Variants in SAMD3 observed in about 807,000 individuals in gnomAD.
SAMD3 encodes sterile alpha motif domain containing 3, also known as sterile alpha motif domain-containing protein 3.
A neutral mutation model predicts 58.5 loss-of-function variants in SAMD3; 63 were observed. That is an observed-to-expected ratio of 1.08 (90% confidence interval 0.88 to 1.33). The LOEUF (loss-of-function observed/expected upper bound fraction) is 1.33, where lower values mean the gene tolerates loss of function less well. Among genes scored for constraint, SAMD3 ranks in the 40% most tolerant of loss-of-function variants. The pLI, the probability that SAMD3 is intolerant of heterozygous loss-of-function variation, is 0.00. For synonymous variants in SAMD3, 220 were observed against 210.3 expected, an observed-to-expected ratio of 1.05 and a Z score of -0.40; for missense variants, 604 against 608.4, an observed-to-expected ratio of 0.99 and a Z score of 0.08.
intron 1 of SAMD3, among the ~76,000 whole-genome samples, chr6:130,358,384 T>C (rs1436448740): frequency 1.3e-5 from 2 of 152,176 alleles, no homozygotes; most frequent in Admixed American, 6.5e-5. Flanking sequence ...TCTTGCATCT[T>C]AGCTGATCAA....
chr6:130,170,647 GAAGAGGT>G (rs1258353586), intron 8 of SAMD3, among the ~76,000 whole-genome samples: 1 of 152,124 alleles, frequency 6.6e-6, no homozygotes, highest in African/African-American at 2.4e-5. Flanking sequence ...AGTTCTCCTT[GAAGAGGT>G]CCTTCATGTC....
intron 1 of SAMD3, among the ~76,000 whole-genome samples, chr6:130,337,718 G>A (rs1777146176): frequency 6.6e-6 from 1 of 152,194 alleles, no homozygotes; most frequent in South Asian, 2.1e-4. Flanking sequence ...AACTTACTGG[G>A]AACTGGAGCA....
chr6:130,168,220 G>A (rs142617163), intron 8 of SAMD3, among the ~76,000 whole-genome samples: 222 of 152,230 alleles, frequency 1.5e-3, no homozygotes, highest in African/African-American at 5.2e-3. Flanking sequence ...GATCACCTGA[G>A]GTCAGGAGTT....
intron 2 of SAMD3, among the ~76,000 whole-genome samples, chr6:130,230,260 G>A (rs976993404): frequency 1.3e-5 from 2 of 152,088 alleles, no homozygotes; most frequent in African/African-American, 4.8e-5. Flanking sequence ...ATGAATGTTC[G>A]GCAGGCTGGG....
chr6:130,220,070 C>T (rs983330865), intron 1 of SAMD3, among the ~76,000 whole-genome samples: 1 of 152,260 alleles, frequency 6.6e-6, no homozygotes, highest in East Asian at 1.9e-4. Flanking sequence ...GGCACTATCT[C>T]GGCTCATTGC....
At chr6:130,220,862 CT>C (rs879492670) in intron 1 of SAMD3, among the ~76,000 whole-genome samples, 297 of 145,686 alleles carry the variant, frequency 2.0e-3, no homozygotes, top group Middle Eastern at 3.6e-3. Context: ...CTGAAAATAT[CT>C]TTTTTTTTTT....
chr6:130,168,997 G>A (rs1364908282), intron 8 of SAMD3, among the ~76,000 whole-genome samples: 2 of 151,940 alleles, frequency 1.3e-5, no homozygotes, highest in East Asian at 3.9e-4. Flanking sequence ...GTAAAGAGGG[G>A]GTCTCACTAT....
intron 8 of SAMD3, among the ~76,000 whole-genome samples, chr6:130,166,604 C>G (rs1790756212): frequency 6.6e-6 from 1 of 152,048 alleles, no homozygotes; most frequent in Non-Finnish European, 1.5e-5. Flanking sequence ...GTTAAAATTA[C>G]AAACATAATA....
chr6:130,327,110 C>G (rs917427992), intron 1 of SAMD3, among the ~76,000 whole-genome samples: 1 of 152,142 alleles, frequency 6.6e-6, no homozygotes, highest in East Asian at 1.9e-4. Context: ...ACCTTCCTTT[C>G]CTAGACTGTA....
At chr6:130,225,194 C>T (rs746470675), upstream of SAMD3, among the ~76,000 whole-genome samples, 1 of 152,200 alleles carries the variant, frequency 6.6e-6, no homozygotes, top group Non-Finnish European at 1.5e-5. Flanking sequence ...TTAGGTCCTG[C>T]TATTTGCTGC....
intron 1 of SAMD3, among the ~76,000 whole-genome samples, chr6:130,326,554 G>C (rs1776768288): frequency 6.6e-6 from 1 of 151,852 alleles, no homozygotes; most frequent in Non-Finnish European, 1.5e-5. Flanking sequence ...CATCTGTCTG[G>C]CTTTCTCTCT....
intron 9 of SAMD3, among the ~76,000 whole-genome samples, chr6:130,148,613 C>T (rs1464971511): frequency 5.9e-5 from 9 of 152,206 alleles, no homozygotes; most frequent in Admixed American, 5.9e-4. Context: ...TGGCTCATGC[C>T]TATAATCCTA....
chr6:130,230,162 G>A (rs1796501999), intron 2 of SAMD3, among the ~76,000 whole-genome samples: 1 of 152,178 alleles, frequency 6.6e-6, no homozygotes, highest in Non-Finnish European at 1.5e-5. Flanking sequence ...GAACACTGAA[G>A]CTATTACTTC....
chr6:130,166,015 C>G (rs767255022), intron 8 of SAMD3, among the ~76,000 whole-genome samples: 15 of 152,278 alleles, frequency 9.9e-5, no homozygotes, highest in Non-Finnish European at 1.8e-4. Flanking sequence ...TCCACCAGTC[C>G]ATCTCCATCC....
chr6:130,324,438 T>C (rs565264010), intron 1 of SAMD3, among the ~76,000 whole-genome samples: 285 of 152,370 alleles, frequency 1.9e-3, no homozygotes, highest in Non-Finnish European at 3.2e-3. Flanking sequence ...ATTTTTCATA[T>C]GGTTGAATGA....
intron 1 of SAMD3, among the ~76,000 whole-genome samples, chr6:130,320,709 T>C (rs929874305): frequency 2.0e-5 from 3 of 152,210 alleles, no homozygotes; most frequent in Non-Finnish European, 4.4e-5. Flanking sequence ...CTCAAGAACA[T>C]GGATAAATCT....
At chr6:130,150,768 G>A (rs928709211) in intron 9 of SAMD3, among the ~76,000 whole-genome samples, 6 of 150,398 alleles carry the variant, frequency 4.0e-5, no homozygotes, top group African/African-American at 1.5e-4. Context: ...CTGGAGTCCA[G>A]TGGCACAATC....
At chr6:130,218,732 A>G (rs1235811643) in intron 1 of SAMD3, among the ~76,000 whole-genome samples, 1 of 152,182 alleles carries the variant, frequency 6.6e-6, no homozygotes, top group African/African-American at 2.4e-5. Flanking sequence ...CTTGATTTGG[A>G]ATCTAAATAA....
At chr6:130,259,161 C>T (rs1214503012) in intron 2 of SAMD3, among the ~76,000 whole-genome samples, 1 of 152,104 alleles carries the variant, frequency 6.6e-6, no homozygotes, top group African/African-American at 2.4e-5. Flanking sequence ...AGCAAAGAAA[C>T]CCTTAAGTTT....
Sources: gnomAD v4.1 joint callset for allele counts (sites outside exome capture counted in the v4.1 genomes callset) on GRCh38, gnomAD v4.1.1 for gene constraint, MANE v1.5 for transcripts, NCBI Gene and HGNC (gene_info 2026-07-23, HGNC 2026-07-21) for gene names.